Variants in CNTNAP2 observed in about 807,000 individuals in gnomAD.
CNTNAP2 encodes the protein contactin-associated protein-like 2.
Under a neutral mutation model 155.2 loss-of-function variants are expected in CNTNAP2, and 98 were observed. That is an observed-to-expected ratio of 0.63 (90% CI 0.54 to 0.75). The LOEUF (loss-of-function observed/expected upper bound fraction) is 0.75. Ranked by LOEUF, CNTNAP2 falls within the 30% of genes least tolerant of loss-of-function variation. The pLI is 0.00. For missense variants in CNTNAP2, 1,727 were observed against 1,688.1 expected (o/e 1.02, Z -0.40); for synonymous variants, 651 against 631.2 (o/e 1.03, Z -0.47).
intron 1 of CNTNAP2, among the ~76,000 whole-genome samples, chr7:146,199,200 C>T (rs979037190): frequency 2.6e-5 from 4 of 152,130 alleles, no homozygotes; most frequent in African/African-American, 9.7e-5. Context: ...ACACAATAAC[C>T]TCTTAGAGAT....
intron 8 of CNTNAP2, among the ~76,000 whole-genome samples, chr7:147,274,110 T>C (rs188923432): frequency 6.6e-6 from 1 of 151,962 alleles, no homozygotes; most frequent in East Asian, 1.9e-4. Flanking sequence ...CACACTTAGG[T>C]TGACTCCATG....
intron 21 of CNTNAP2, among the ~76,000 whole-genome samples, chr7:148,367,292 G>A (rs552181688): frequency 2.6e-5 from 4 of 152,036 alleles, no homozygotes; most frequent in African/African-American, 9.6e-5. Flanking sequence ...ACATATCCAT[G>A]GGGTTCAGTA....
intron 13 of CNTNAP2, among the ~76,000 whole-genome samples, chr7:147,734,650 C>T (rs1364719246): frequency 6.6e-6 from 1 of 152,160 alleles, no homozygotes; most frequent in African/African-American, 2.4e-5. Flanking sequence ...TGGTCCTGCA[C>T]ATTTTTTGGT....
intron 12 of CNTNAP2, among the ~76,000 whole-genome samples, chr7:147,618,169 A>G (rs1342356724): frequency 6.6e-6 from 1 of 152,196 alleles, no homozygotes; most frequent in Non-Finnish European, 1.5e-5. Context: ...CTTATACGCA[A>G]TATAAAAGAT....
chr7:146,633,509 A>G (rs1799543734), intron 1 of CNTNAP2, among the ~76,000 whole-genome samples: 1 of 152,166 alleles, frequency 6.6e-6, no homozygotes, highest in Admixed American at 6.5e-5. Flanking sequence ...AAGCTCCATA[A>G]CAGGCCATGA....
At chr7:147,442,800 C>T (rs557872549) in intron 10 of CNTNAP2, among the ~76,000 whole-genome samples, 1 of 152,116 alleles carries the variant, frequency 6.6e-6, no homozygotes, top group South Asian at 2.1e-4. Flanking sequence ...GAAATGTTAT[C>T]TTGCAGGTAG....
At chr7:147,778,910 CT>C (rs1797626445) in intron 13 of CNTNAP2, among the ~76,000 whole-genome samples, 1 of 152,158 alleles carries the variant, frequency 6.6e-6, no homozygotes, top group Admixed American at 6.5e-5. Context: ...CATAGTTGAC[CT>C]CTTATAGTAC....
At chr7:148,226,525 C>T (rs1795852573) in intron 19 of CNTNAP2, among the ~76,000 whole-genome samples, 1 of 152,192 alleles carries the variant, frequency 6.6e-6, no homozygotes, top group Non-Finnish European at 1.5e-5. Context: ...AGCAGCTTCC[C>T]AATCAGATCT....
intron 13 of CNTNAP2, among the ~76,000 whole-genome samples, chr7:147,753,473 C>T (rs1880571): frequency 1 from 152,311 of 152,348 alleles, 76,137 homozygotes; most frequent in Non-Finnish European, 1. Context: ...ATCACCACAA[C>T]TCGATTATGA....
chr7:147,728,655 G>T (rs1796684985), intron 13 of CNTNAP2, among the ~76,000 whole-genome samples: 1 of 151,980 alleles, frequency 6.6e-6, no homozygotes, highest in South Asian at 2.1e-4. Flanking sequence ...AACTCAGTGG[G>T]CAATGTATGC....
intron 3 of CNTNAP2, among the ~76,000 whole-genome samples, chr7:147,011,872 C>G (rs4585658): frequency 1.3e-5 from 2 of 151,942 alleles, no homozygotes; most frequent in East Asian, 1.9e-4. Flanking sequence ...GAAGGAACAC[C>G]GCATAGAGAG....
intron 1 of CNTNAP2, among the ~76,000 whole-genome samples, chr7:146,173,169 C>G (rs898821119): frequency 5.3e-5 from 8 of 152,072 alleles, no homozygotes; most frequent in African/African-American, 1.9e-4. Context: ...GAATTACGTG[C>G]AGAGAACTTT....
At chr7:146,760,008 T>G (rs1360792728) in intron 1 of CNTNAP2, among the ~76,000 whole-genome samples, 1 of 152,192 alleles carries the variant, frequency 6.6e-6, no homozygotes, top group Non-Finnish European at 1.5e-5. Context: ...TTACAAGTGC[T>G]GTAGCCCTTG....
chr7:146,174,973 G>A (rs1484565334), intron 1 of CNTNAP2, among the ~76,000 whole-genome samples: 1 of 152,140 alleles, frequency 6.6e-6, no homozygotes, highest in Non-Finnish European at 1.5e-5. Context: ...CTCATCATAA[G>A]GTTGTAAATC....
At chr7:148,368,531 C>G (rs1273018170) in intron 21 of CNTNAP2, among the ~76,000 whole-genome samples, 2 of 152,116 alleles carry the variant, frequency 1.3e-5, no homozygotes, top group African/African-American at 4.8e-5. Flanking sequence ...CTACAGTGAG[C>G]GACAATCAGA....
chr7:148,070,157 A>T (rs1803353977), intron 15 of CNTNAP2, among the ~76,000 whole-genome samples: 1 of 152,248 alleles, frequency 6.6e-6, no homozygotes. Context: ...CTTAAAGTCC[A>T]CAACATAATA....
chr7:147,823,625 T>G (rs1482308217), intron 13 of CNTNAP2, among the ~76,000 whole-genome samples: 1 of 151,976 alleles, frequency 6.6e-6, no homozygotes, highest in African/African-American at 2.4e-5. Flanking sequence ...CAAGGGACTA[T>G]AGGATGAGAA....
At chr7:146,839,973 A>C (rs1228667965) in intron 3 of CNTNAP2, 69 bp downstream of exon 3, 53 of 1,506,366 alleles carry the variant, frequency 3.5e-5, no homozygotes, top group Admixed American at 8.9e-5. Flanking sequence ...TACAGGATTT[A>C]CTAAGCATAT....
chr7:147,290,764 G>T (rs944033691), intron 8 of CNTNAP2, among the ~76,000 whole-genome samples: 1 of 151,584 alleles, frequency 6.6e-6, no homozygotes, highest in African/African-American at 2.4e-5. Flanking sequence ...ATACCTGTTT[G>T]CAGGTTGAGA....
Sources: gnomAD v4.1 joint callset for allele counts (sites outside exome capture counted in the v4.1 genomes callset) on GRCh38, gnomAD v4.1.1 for gene constraint, MANE v1.5 for transcripts, NCBI Gene and HGNC (gene_info 2026-07-23, HGNC 2026-07-21) for gene names.